The following EIF4E3 variants were observed in gnomAD, a reference collection of about 807,000 sequenced individuals.
EIF4E3 encodes the protein eukaryotic translation initiation factor 4E type 3.
Under a neutral mutation model 31.7 loss-of-function variants are expected in EIF4E3, and 26 were observed. That is an observed-to-expected ratio of 0.82 (90% confidence interval 0.60 to 1.14). The LOEUF (loss-of-function observed/expected upper bound fraction) is 1.14, where lower values mean the gene tolerates loss of function less well. Among genes scored for constraint, EIF4E3 ranks in the 50% most tolerant of loss-of-function variants. EIF4E3 has a pLI of 0.00. For missense variants in EIF4E3, 304 were observed against 270.9 expected (o/e 1.12, Z -0.86); for synonymous variants, 128 against 107.7 (o/e 1.19, Z -1.17).
intron 3 of EIF4E3, among the ~76,000 whole-genome samples, chr3:71,698,330 C>T (rs1279428927): frequency 2.6e-5 from 4 of 152,144 alleles, no homozygotes; most frequent in African/African-American, 7.2e-5. Flanking sequence ...ACAAATACAG[C>T]TGCCACAAGG....
At chr3:71,710,346 C>A (rs912413608) in intron 2 of EIF4E3, 66 bp downstream of exon 2, 17 of 1,513,228 alleles carry the variant, frequency 1.1e-5, no homozygotes, top group Non-Finnish European at 1.5e-5. Context: ...CAACAGATTT[C>A]AAGTTGGGTG....
chr3:71,718,471 A>G (rs2049498282), intron 1 of EIF4E3, among the ~76,000 whole-genome samples: 1 of 152,220 alleles, frequency 6.6e-6, no homozygotes, highest in African/African-American at 2.4e-5. Flanking sequence ...AACAGTAGCA[A>G]CTGGGGCTCC....
Position 71,683,274 on chromosome 3 carries a change from G to A in EIF4E3, c.*1408C>T, listed in dbSNP as rs2048945587. 1 of 152,196 alleles carries A rather than the reference G, an allele frequency of 6.6e-6. No homozygotes were observed. Among genetic ancestry groups the A allele is most frequent in the Non-Finnish European group, 1.5e-5 (1 of 68,040 alleles). 9.4% of individuals were successfully genotyped at this position (152,196 alleles called of 1,614,324 possible). On this transcript the variant is annotated 3_prime_UTR_variant, in exon 7 of 7. Coordinates refer to ENST00000425534, the MANE Select transcript of EIF4E3 (RefSeq NM_001134651.2). The stretch of plus-strand genomic sequence containing the variant: ...GCTTAAAGTAGCCTCAAGTCTCTCT[G>A]CTGGTCAACACTGCAAGAGGAATTA...
chr3:71,665,078 C>T, the EIF4E3 span, among the ~76,000 whole-genome samples: 1 of 152,198 alleles, frequency 6.6e-6, no homozygotes, highest in Non-Finnish European at 1.5e-5. Flanking sequence ...TGCAATGAGG[C>T]AGCCCTGATG....
chr3:71,695,915 T>A (rs2049129674), intron 4 of EIF4E3, among the ~76,000 whole-genome samples: 1 of 152,204 alleles, frequency 6.6e-6, no homozygotes, highest in South Asian at 2.1e-4. Context: ...ACTTGATCAC[T>A]GCAAACCAGC....
chr3:71,684,081 AAATT>A lies in EIF4E3; in HGVS notation c.*597_*600del, dbSNP rs2048957470. 2 of 152,648 alleles carry A rather than the reference AAATT, an allele frequency of 1.3e-5. No individual in the cohort carries two copies. Among genetic ancestry groups the A allele is most frequent in the Admixed American group, 1.3e-4 (2 of 15,284 alleles). 9.5% of individuals were successfully genotyped at this position (152,648 alleles called of 1,614,324 possible). On this transcript the variant is annotated 3_prime_UTR_variant, in exon 7 of 7. Coordinates refer to ENST00000425534, the MANE Select transcript of EIF4E3 (RefSeq NM_001134651.2). The stretch of plus-strand genomic sequence containing the variant: ...CTAAAAAAAAATGTTTTAAAAAGGA[AAATT>A]AAAGATTTGTGTGCTGTCAGTGCAA...
chr3:71,701,456 C>G (rs575884894), intron 2 of EIF4E3, among the ~76,000 whole-genome samples: 1 of 152,288 alleles, frequency 6.6e-6, no homozygotes, highest in Non-Finnish European at 1.5e-5. Context: ...AAGAAGAAAA[C>G]ACTTCCCCAT....
At position 71,733,711 on chromosome 3, in the gene EIF4E3, T is replaced by A. The variant is rs541879303; in HGVS notation, c.-290-5088A>T. Reference sequence around the variant, plus strand: ...AGTCAATAAATATCTGAATAATGAATCCTTCTGTGATTTAAAACCATTCAT... The same window carrying A: ...AGTCAATAAATATCTGAATAATGAAACCTTCTGTGATTTAAAACCATTCAT... On this transcript the variant is annotated intron_variant, in intron 1 of 7. Transcript: ENST00000295612. Among the ~76,000 whole-genome samples, 12 of 152,278 alleles carry A rather than the reference T, an allele frequency of 7.9e-5. No individual in the cohort carries two copies. In the South Asian group the frequency reaches 2.5e-3, roughly 32 times the overall value.
In EIF4E3 at chr3:71,699,675, C is replaced by A. The variant is rs760057716; in HGVS notation, c.283G>T (p.Val95Leu). The A allele has an allele frequency of 1.1e-5, 18 of 1,613,524 alleles. No homozygotes were observed. The Middle Eastern group carries it at 9.9e-4, about 89-fold the overall frequency. Residue 95 changes from valine to leucine, a missense_variant, in exon 3 of 7, where the codon GTG (valine) becomes TTG (leucine). Physicochemically the swap from Val to Leu is conservative, Grantham distance 32. Coordinates refer to ENST00000425534, the MANE Select transcript of EIF4E3 (RefSeq NM_001134651.2). ...FWSVYNNIPPVTSLPLRCSYH... is the reference protein window; with the variant it reads ...FWSVYNNIPPLTSLPLRCSYH... The stretch of plus-strand genomic sequence containing the variant: ...CTACATCTCAAAGGCAGGCTAGTCA[C>A]AGGAGGGATATTATTGTATACACTC...
At chr3:71,696,918 C>T (rs545440510) in intron 3 of EIF4E3, among the ~76,000 whole-genome samples, 15 of 151,996 alleles carry the variant, frequency 9.9e-5, no homozygotes, top group Non-Finnish European at 1.5e-4. Flanking sequence ...CGGGATTTCA[C>T]TGTGTTAGCC....
At chr3:71,731,204 T>A (rs1042177395) in intron 1 of EIF4E3, among the ~76,000 whole-genome samples, 1 of 152,178 alleles carries the variant, frequency 6.6e-6, no homozygotes, top group African/African-American at 2.4e-5. Flanking sequence ...CTGGTTTGCT[T>A]CTGCCTGCTC....
intron 1 of EIF4E3, among the ~76,000 whole-genome samples, chr3:71,744,848 G>A (rs769328368): frequency 2.0e-5 from 3 of 152,166 alleles, no homozygotes; most frequent in Non-Finnish European, 4.4e-5. Context: ...GAAAGAGAAA[G>A]ATGTGGGTTC....
At position 71,677,170 on chromosome 3, in the gene EIF4E3, G is replaced by C. The variant is rs2048880810; in HGVS notation, c.*7512C>G. 6.6e-6 allele frequency: 1 copy of C among 152,108 alleles called. No homozygotes were observed. Among genetic ancestry groups the C allele is most frequent in the South Asian group, 2.1e-4 (1 of 4,814 alleles). The allele number at this position is 152,108 out of a possible 1,614,324, so 9.4% of individuals were successfully genotyped here. On this transcript the variant is annotated 3_prime_UTR_variant, in exon 7 of 7. Coordinates refer to ENST00000425534, the MANE Select transcript of EIF4E3 (RefSeq NM_001134651.2). ...CTTATGATTTAAACTTATTTTCTCT[G>C]GCAAGAAATAAGCTAGTCAGCACCA...
the EIF4E3 span, among the ~76,000 whole-genome samples, chr3:71,662,880 G>A: frequency 3.9e-5 from 6 of 152,054 alleles, no homozygotes; most frequent in African/African-American, 1.4e-4. Context: ...AAGACTTGGG[G>A]GCAGAAACCG....
rs183299320 is a variant in EIF4E3, at chr3:71,694,672, T to C, written c.406-731A>G. On this transcript the variant is annotated intron_variant, in intron 4 of 6. Coordinates refer to ENST00000425534, the MANE Select transcript of EIF4E3 (RefSeq NM_001134651.2). Reference sequence around the variant, plus strand: ...TTGGTCCCATTTATCCTCCTTCCTGTGATTCACAGGCTCCAAATTGCCCCC... The same window carrying C: ...TTGGTCCCATTTATCCTCCTTCCTGCGATTCACAGGCTCCAAATTGCCCCC... 1.2e-3 allele frequency among the ~76,000 whole-genome samples: 182 copies of C among 152,322 alleles called. 1 individual carries two copies. The highest frequency in any genetic ancestry group is 4.0e-3 in the African/African-American group (167 of 41,566).
At chr3:71,660,296 A>T in the EIF4E3 span, among the ~76,000 whole-genome samples, 1 of 152,288 alleles carries the variant, frequency 6.6e-6, no homozygotes, top group Middle Eastern at 3.4e-3. Context: ...AGTTGCACAC[A>T]GCGTGATGAC....
At chr3:71,704,866 G>C (rs1014919565) in intron 2 of EIF4E3, among the ~76,000 whole-genome samples, 7 of 152,192 alleles carry the variant, frequency 4.6e-5, no homozygotes, top group Non-Finnish European at 8.8e-5. Flanking sequence ...AGACACAACA[G>C]CCTCCACTGA....
chr3:71,711,962 G>A (rs1486773547), intron 1 of EIF4E3, among the ~76,000 whole-genome samples: 1 of 152,100 alleles, frequency 6.6e-6, no homozygotes, highest in African/African-American at 2.4e-5. Flanking sequence ...CAGCCCGGGT[G>A]ACAGAGCGAG....
upstream of EIF4E3, chr3:71,753,953 G>A: frequency 9.8e-7 from 1 of 1,023,406 alleles, no homozygotes; most frequent in Non-Finnish European, 1.2e-6. Context: ...AGCTCGCCCA[G>A]GGCCGGCGGA....
Sources: allele counts gnomAD v4.1 joint callset (sites outside exome capture counted in the v4.1 genomes callset), GRCh38; gene constraint gnomAD v4.1.1; transcripts MANE v1.5; gene names NCBI Gene and HGNC (gene_info 2026-07-23, HGNC 2026-07-21).